Variants in NDST4 observed in about 807,000 individuals in gnomAD.
The protein encoded by NDST4 is N-heparan sulfate sulfotransferase 4.
NDST4 carries 63 observed loss-of-function variants against 100.8 expected under a neutral mutation model. That is an observed-to-expected ratio of 0.62 (90% CI 0.51 to 0.77). NDST4 has a LOEUF of 0.77. Ranked by LOEUF, NDST4 falls within the 30% of genes least tolerant of loss-of-function variation. The pLI, the probability that NDST4 is intolerant of heterozygous loss-of-function variation, is 0.00. For missense variants in NDST4, 943 were observed against 1,018.4 expected (o/e 0.93, Z 1.01); for synonymous variants, 377 against 361.8 (o/e 1.04, Z -0.48).
At chr4:115,064,910 C>A (rs1728913155) in intron 2 of NDST4, among the ~76,000 whole-genome samples, 1 of 152,150 alleles carries the variant, frequency 6.6e-6, no homozygotes, top group South Asian at 2.1e-4. Context: ...TTTATTGTTT[C>A]AGAAGACAAA....
intron 6 of NDST4, among the ~76,000 whole-genome samples, chr4:114,909,669 C>CAAAAAAAAAAAAAAAAA (rs773267929): frequency 8.1e-5 from 5 of 61,676 alleles, no homozygotes; most frequent in Non-Finnish European, 9.7e-5. Context: ...GACTCCGTCT[C>CAAAAAAAAAAAAAAAAA]AAAAAAAAAA....
chr4:114,917,582 A>G (rs1307426403), intron 6 of NDST4, among the ~76,000 whole-genome samples: 1 of 152,282 alleles, frequency 6.6e-6, no homozygotes. Context: ...GTTCAAGTCC[A>G]GGCTAGGCAA....
chr4:115,015,359 C>T (rs1466256591), intron 2 of NDST4, among the ~76,000 whole-genome samples: 2 of 151,986 alleles, frequency 1.3e-5, no homozygotes, highest in Non-Finnish European at 1.5e-5. Flanking sequence ...TTTGGGATAT[C>T]CTTAAAAGAT....
In NDST4 at chr4:114,858,530, T is replaced by C. The variant is rs143823764; in HGVS notation, c.1720-5709A>G. Reference sequence around the variant, plus strand: ...TGGAAAGGCCACTTGAAAGATACAGTTGAGGTACCAGCTTGAAGATATAGT... The same window carrying C: ...TGGAAAGGCCACTTGAAAGATACAGCTGAGGTACCAGCTTGAAGATATAGT... On this transcript the variant is annotated intron_variant, in intron 7 of 13. Coordinates refer to ENST00000264363, the MANE Select transcript of NDST4 (RefSeq NM_022569.3). 2.5e-3 allele frequency among the ~76,000 whole-genome samples: 377 copies of C among 152,326 alleles called. 3 individuals carry two copies. The highest frequency in any genetic ancestry group is 8.5e-3 in the African/African-American group (355 of 41,576).
At chr4:115,062,082 C>T (rs897800034) in intron 2 of NDST4, among the ~76,000 whole-genome samples, 3 of 151,748 alleles carry the variant, frequency 2.0e-5, no homozygotes, top group African/African-American at 7.3e-5. Flanking sequence ...ATGAAGTGAG[C>T]CAATTTCTGT....
chr4:114,966,611 A>T (rs1180423106), intron 4 of NDST4, among the ~76,000 whole-genome samples: 1 of 152,136 alleles, frequency 6.6e-6, no homozygotes, highest in Non-Finnish European at 1.5e-5. Context: ...CCAAGGTCAT[A>T]TCAAGGGATA....
At chr4:115,103,911 CAGAGACA>C (rs1729786833) in intron 1 of NDST4, among the ~76,000 whole-genome samples, 1 of 152,130 alleles carries the variant, frequency 6.6e-6, no homozygotes, top group Non-Finnish European at 1.5e-5. Context: ...TGCTTCTTGT[CAGAGACA>C]ACATTTCTTG....
At chr4:115,078,684 C>CA (rs895004627) in intron 1 of NDST4, among the ~76,000 whole-genome samples, 62 of 151,546 alleles carry the variant, frequency 4.1e-4, no homozygotes, top group South Asian at 1.5e-3. Context: ...ACTAAAAATA[C>CA]AAAAAAAATT....
intron 6 of NDST4, among the ~76,000 whole-genome samples, chr4:114,914,465 A>G (rs922705361): frequency 3.9e-5 from 6 of 152,180 alleles, no homozygotes; most frequent in Admixed American, 3.3e-4. Context: ...ACCCACAAAA[A>G]TTAAAATATA....
chr4:114,977,827 A>G (rs1392002737), intron 2 of NDST4, among the ~76,000 whole-genome samples: 1 of 152,014 alleles, frequency 6.6e-6, no homozygotes, highest in Non-Finnish European at 1.5e-5. Context: ...CCTAGTTATG[A>G]AAAAGGGAAG....
chr4:115,040,666 C>T (rs1038586246), intron 2 of NDST4, among the ~76,000 whole-genome samples: 14 of 152,136 alleles, frequency 9.2e-5, no homozygotes, highest in African/African-American at 3.4e-4. Flanking sequence ...AATGCCTTTA[C>T]TTTTAGCAGG....
At chr4:115,066,734 G>T (rs1217492644) in intron 2 of NDST4, among the ~76,000 whole-genome samples, 1 of 152,146 alleles carries the variant, frequency 6.6e-6, no homozygotes, top group Non-Finnish European at 1.5e-5. Flanking sequence ...GGCACCTAAA[G>T]ATTTCATGAT....
intron 2 of NDST4, among the ~76,000 whole-genome samples, chr4:114,979,754 G>GAA (rs147057024): frequency 1.3e-5 from 2 of 151,604 alleles, no homozygotes; most frequent in African/African-American, 4.8e-5. Flanking sequence ...TTTCATTGTT[G>GAA]AAAAAAAGAG....
At chr4:115,091,913 G>A (rs542434123) in intron 1 of NDST4, among the ~76,000 whole-genome samples, 235 of 152,170 alleles carry the variant, frequency 1.5e-3, no homozygotes, top group African/African-American at 5.4e-3. Context: ...AACTATCACT[G>A]AATTTGTCAT....
intron 6 of NDST4, among the ~76,000 whole-genome samples, chr4:114,877,997 GA>G (rs1724292427): frequency 6.7e-6 from 1 of 149,712 alleles, no homozygotes; most frequent in Non-Finnish European, 1.5e-5. Flanking sequence ...AAGAAATAAA[GA>G]AAGAAAGGAA....
chr4:114,963,511 G>T (rs1726311829), intron 4 of NDST4, among the ~76,000 whole-genome samples: 3 of 152,230 alleles, frequency 2.0e-5, no homozygotes, highest in African/African-American at 7.2e-5. Context: ...TGATTAGTTT[G>T]CACAGATCTG....
At chr4:115,057,031 T>C (rs1368008350) in intron 2 of NDST4, among the ~76,000 whole-genome samples, 1 of 152,172 alleles carries the variant, frequency 6.6e-6, no homozygotes, top group Non-Finnish European at 1.5e-5. Flanking sequence ...TCCCCAAACA[T>C]ACATGCTCGT....
intron 2 of NDST4, among the ~76,000 whole-genome samples, chr4:115,063,172 TAC>T (rs1358835883): frequency 6.6e-6 from 1 of 151,980 alleles, no homozygotes; most frequent in African/African-American, 2.4e-5. Flanking sequence ...GAAATTGTTA[TAC>T]AAACTCTTTA....
At chr4:114,985,490 C>T (rs1395143550) in intron 2 of NDST4, among the ~76,000 whole-genome samples, 1 of 152,134 alleles carries the variant, frequency 6.6e-6, no homozygotes, top group Non-Finnish European at 1.5e-5. Context: ...GAGCAACACT[C>T]TAATTATTTA....
Sources: gnomAD v4.1 joint callset for allele counts (sites outside exome capture counted in the v4.1 genomes callset) on GRCh38, gnomAD v4.1.1 for gene constraint, MANE v1.5 for transcripts, NCBI Gene and HGNC (gene_info 2026-07-23, HGNC 2026-07-21) for gene names.